The following KHDRBS2 variants were observed in gnomAD, a reference collection of about 807,000 sequenced individuals.
KHDRBS2 encodes the protein KH domain-containing, RNA-binding, signal transduction-associated protein 2.
A neutral mutation model predicts 44.3 loss-of-function variants in KHDRBS2; 26 were observed. The ratio of observed to expected loss-of-function variants is 0.59; its 90% confidence interval spans 0.43 to 0.81. The LOEUF is 0.81. Among genes scored for constraint, KHDRBS2 ranks in the 40% least tolerant of loss-of-function variants. The pLI, the probability that KHDRBS2 is intolerant of heterozygous loss-of-function variation, is 0.00. For missense variants in KHDRBS2, 476 were observed against 433.1 expected, an observed-to-expected ratio of 1.10 and a Z score of -0.88; for synonymous variants, 194 against 151.1, an observed-to-expected ratio of 1.28 and a Z score of -2.08.
intron 8 of KHDRBS2, among the ~76,000 whole-genome samples, chr6:61,693,989 C>T (rs1467355610): frequency 6.6e-6 from 1 of 152,158 alleles, no homozygotes; most frequent in Non-Finnish European, 1.5e-5. Context: ...GAAATCTCAT[C>T]TCTTATCACC....
the KHDRBS2 span, among the ~76,000 whole-genome samples, chr6:61,618,448 T>A: frequency 6.6e-6 from 1 of 152,208 alleles, no homozygotes; most frequent in African/African-American, 2.4e-5. Flanking sequence ...CCTTTACTTA[T>A]TTATGTATTT....
At chr6:62,206,987 T>A (rs1227525009) in intron 1 of KHDRBS2, among the ~76,000 whole-genome samples, 3 of 152,132 alleles carry the variant, frequency 2.0e-5, no homozygotes, top group African/African-American at 7.2e-5. Flanking sequence ...TACATATACA[T>A]GCCTGCAGAT....
chr6:61,935,959 C>G (rs549672769), intron 4 of KHDRBS2, among the ~76,000 whole-genome samples: 143 of 152,066 alleles, frequency 9.4e-4, no homozygotes, highest in Non-Finnish European at 1.6e-3. Context: ...CATTTTATGT[C>G]CTCCTTTTCC....
chr6:61,546,547 T>G, the KHDRBS2 span, among the ~76,000 whole-genome samples: 1 of 152,136 alleles, frequency 6.6e-6, no homozygotes, highest in Admixed American at 6.6e-5. Flanking sequence ...GCATCTTCAA[T>G]TTCTAAAGAC....
intron 3 of KHDRBS2, among the ~76,000 whole-genome samples, chr6:62,014,616 A>G (rs1188968090): frequency 6.6e-6 from 1 of 152,170 alleles, no homozygotes; most frequent in Non-Finnish European, 1.5e-5. Context: ...AAAGACCTAA[A>G]ATTATTATTT....
At chr6:61,658,935 C>T in the KHDRBS2 span, among the ~76,000 whole-genome samples, 1 of 151,862 alleles carries the variant, frequency 6.6e-6, no homozygotes, top group South Asian at 2.1e-4. Flanking sequence ...AATCTCTATA[C>T]AACACTATTA....
intron 6 of KHDRBS2, among the ~76,000 whole-genome samples, chr6:61,784,087 T>A (rs1783428897): frequency 6.6e-6 from 1 of 151,924 alleles, no homozygotes; most frequent in Admixed American, 6.6e-5. Flanking sequence ...AGTATAGGCT[T>A]CCCAGCTAGA....
At chr6:62,253,282 T>C (rs1189309345) in intron 1 of KHDRBS2, among the ~76,000 whole-genome samples, 1 of 152,068 alleles carries the variant, frequency 6.6e-6, no homozygotes, top group Non-Finnish European at 1.5e-5. Context: ...GGAGGTTTTT[T>C]GCTTTGTATA....
At chr6:61,960,798 G>C (rs998938935) in intron 4 of KHDRBS2, among the ~76,000 whole-genome samples, 2 of 151,998 alleles carry the variant, frequency 1.3e-5, no homozygotes, top group African/African-American at 4.8e-5. Flanking sequence ...AAGATTAAAG[G>C]CTTAATCTTC....
At chr6:62,072,469 C>G (rs1795367450) in intron 2 of KHDRBS2, among the ~76,000 whole-genome samples, 1 of 152,104 alleles carries the variant, frequency 6.6e-6, no homozygotes, top group African/African-American at 2.4e-5. Context: ...ATGATATTGG[C>G]TGTGGGTTTG....
intron 1 of KHDRBS2, among the ~76,000 whole-genome samples, chr6:62,208,566 T>C (rs1180142605): frequency 2.0e-5 from 3 of 152,156 alleles, no homozygotes; most frequent in African/African-American, 7.2e-5. Context: ...CTTTATGAGG[T>C]GGTTATTTCA....
the KHDRBS2 span, among the ~76,000 whole-genome samples, chr6:61,599,640 C>T: frequency 1.3e-5 from 2 of 152,036 alleles, no homozygotes; most frequent in African/African-American, 2.4e-5. Context: ...GTAGGCCCTC[C>T]TAGGATTGAA....
At chr6:62,071,337 G>C (rs946202724) in intron 2 of KHDRBS2, among the ~76,000 whole-genome samples, 1 of 151,872 alleles carries the variant, frequency 6.6e-6, no homozygotes, top group African/African-American at 2.4e-5. Flanking sequence ...AGAAGCTCTT[G>C]AGTTTAATTA....
At chr6:61,579,442 AT>A in the KHDRBS2 span, among the ~76,000 whole-genome samples, 21 of 152,196 alleles carry the variant, frequency 1.4e-4, no homozygotes, top group African/African-American at 5.1e-4. Context: ...CACACTTCTC[AT>A]TTTGTTTTGT....
intron 1 of KHDRBS2, among the ~76,000 whole-genome samples, chr6:62,212,601 A>G (rs1829257816): frequency 6.6e-6 from 1 of 152,190 alleles, no homozygotes; most frequent in Non-Finnish European, 1.5e-5. Flanking sequence ...TGTCCTTATA[A>G]AAAGAGGACA....
At chr6:61,774,179 A>C (rs1285511854) in intron 6 of KHDRBS2, among the ~76,000 whole-genome samples, 3 of 152,160 alleles carry the variant, frequency 2.0e-5, no homozygotes, top group Admixed American at 2.0e-4. Context: ...AATTCTGTGA[A>C]GAAAGTCATT....
At chr6:62,008,447 G>T (rs953412762) in intron 3 of KHDRBS2, among the ~76,000 whole-genome samples, 2 of 152,058 alleles carry the variant, frequency 1.3e-5, no homozygotes, top group Non-Finnish European at 2.9e-5. Context: ...TTAGAATAAT[G>T]CTCAATAGTT....
chr6:62,110,054 A>C (rs1804645474), intron 2 of KHDRBS2, among the ~76,000 whole-genome samples: 1 of 151,940 alleles, frequency 6.6e-6, no homozygotes, highest in Non-Finnish European at 1.5e-5. Context: ...TCAAAATTAA[A>C]ATTTCTGCTC....
chr6:62,248,001 A>T (rs75439854), intron 1 of KHDRBS2, among the ~76,000 whole-genome samples: 1,993 of 152,252 alleles, frequency 0.013, 41 homozygotes, highest in African/African-American at 0.045. Context: ...GAGCATTTCA[A>T]ATCTCAGCCT....
Sources: gnomAD v4.1 joint callset for allele counts (sites outside exome capture counted in the v4.1 genomes callset) on GRCh38, gnomAD v4.1.1 for gene constraint, MANE v1.5 for transcripts, NCBI Gene and HGNC (gene_info 2026-07-23, HGNC 2026-07-21) for gene names.